The following FOXP1 variants were observed in gnomAD, a reference collection of about 807,000 sequenced individuals.
FOXP1 encodes the protein forkhead box P1, also known as forkhead box protein P1.
A neutral mutation model predicts 98.2 loss-of-function variants in FOXP1; 15 were observed. That is an observed-to-expected ratio of 0.15 (90% confidence interval 0.10 to 0.24). The LOEUF (loss-of-function observed/expected upper bound fraction) is 0.24. Ranked by LOEUF, FOXP1 falls within the 10% of genes least tolerant of loss-of-function variation. The probability of loss-of-function intolerance (pLI) is 1.00; values close to 1 mark genes in which losing one functional copy is unlikely to be tolerated. For synonymous variants in FOXP1, 371 were observed against 314.5 expected (o/e 1.18, Z -1.90); for missense variants, 633 against 848.5 (o/e 0.75, Z 3.15).
chr3:71,112,676 C>T (rs1559954231), intron 6 of FOXP1, 39 bp from the exon 7 acceptor site: 2 of 1,455,336 alleles, frequency 1.4e-6, no homozygotes, highest in Non-Finnish European at 1.9e-6. Context: ...CGTTACTACA[C>T]AGGTTCAGGG....
chr3:71,015,292 T>C (rs1038593898), intron 12 of FOXP1, among the ~76,000 whole-genome samples: 9 of 152,156 alleles, frequency 5.9e-5, no homozygotes, highest in African/African-American at 2.2e-4. Flanking sequence ...TTAATCCTTG[T>C]CACTCTGAAA....
At chr3:71,395,100 C>CAAAAAA (rs10543398) in intron 3 of FOXP1, among the ~76,000 whole-genome samples, 7 of 63,786 alleles carry the variant, frequency 1.1e-4, no homozygotes, top group African/African-American at 1.9e-4. Context: ...AACCCCGTCA[C>CAAAAAA]AAAAAAAAAA....
chr3:71,182,549 CTTT>C (rs369563965), intron 6 of FOXP1, among the ~76,000 whole-genome samples: 1 of 112,942 alleles, frequency 8.9e-6, no homozygotes. Context: ...TGTATATATT[CTTT>C]TTTTTTTTTT....
intron 7 of FOXP1, chr3:71,064,689 G>T: frequency 1.8e-6 from 1 of 550,620 alleles, no homozygotes; most frequent in Non-Finnish European, 2.3e-6. Context: ...GCGAGGATGA[G>T]GATGATTTTT....
intron 14 of FOXP1, 64 bp downstream of exon 14, chr3:70,987,929 TG>T: frequency 1.4e-6 from 2 of 1,456,424 alleles, no homozygotes; most frequent in South Asian, 2.3e-5. Flanking sequence ...CCATTTGGGG[TG>T]GGGAAGTAGA....
intron 2 of FOXP1, among the ~76,000 whole-genome samples, chr3:71,533,322 A>C (rs1156598623): frequency 1.3e-5 from 2 of 152,182 alleles, no homozygotes; most frequent in African/African-American, 4.8e-5. Context: ...CCACCTTCTC[A>C]GCCTACTCAA....
chr3:71,183,560 T>C (rs546960169), intron 6 of FOXP1, among the ~76,000 whole-genome samples: 7 of 152,236 alleles, frequency 4.6e-5, no homozygotes, highest in Non-Finnish European at 1.0e-4. Context: ...TACCATGTGG[T>C]GTGCAAACTT....
chr3:71,150,561 A>G (rs1398733820), intron 6 of FOXP1, among the ~76,000 whole-genome samples: 1 of 152,118 alleles, frequency 6.6e-6, no homozygotes, highest in Non-Finnish European at 1.5e-5. Context: ...GTGAAAATTA[A>G]TCCTTAACAC....
rs1241582491 is a variant in FOXP1 at position 70,955,266 on chromosome 3, G to C, written c.*3981C>G. 2 of 232,760 alleles carry C rather than the reference G, an allele frequency of 8.6e-6. No homozygotes were observed. Among genetic ancestry groups the C allele is most frequent in the Non-Finnish European group, 1.7e-5 (2 of 117,806 alleles). 14.4% of individuals were successfully genotyped at this position (232,760 alleles called of 1,614,324 possible). A position where few individuals can be genotyped will look rare whatever the true frequency, so the allele number is the denominator to read the frequency against. On this transcript the variant is annotated 3_prime_UTR_variant, in exon 21 of 21. Coordinates refer to ENST00000649528, the MANE Select transcript of FOXP1 (RefSeq NM_001349338.3). ...GCTAGTGATTTACAGCCTATCTTGGGTTAAGAATCCAAGGTTTTCTTTACT... is the reference window on the plus strand; with the variant it reads ...GCTAGTGATTTACAGCCTATCTTGGCTTAAGAATCCAAGGTTTTCTTTACT...
At chr3:71,025,543 C>A (rs182213047) in intron 11 of FOXP1, among the ~76,000 whole-genome samples, 4 of 152,084 alleles carry the variant, frequency 2.6e-5, no homozygotes, top group African/African-American at 9.7e-5. Context: ...GGCAACCTCC[C>A]CAAGTAATTG....
At chr3:71,226,853 G>C (rs916851322) in intron 5 of FOXP1, among the ~76,000 whole-genome samples, 1 of 152,086 alleles carries the variant, frequency 6.6e-6, no homozygotes, top group Admixed American at 6.5e-5. Flanking sequence ...GCTGTTCACC[G>C]GCCAAGAAGA....
intron 19 of FOXP1, chr3:70,968,870 G>C (rs1015359767): frequency 6.6e-6 from 1 of 152,192 alleles, no homozygotes; most frequent in East Asian, 1.9e-4. Flanking sequence ...TCTGTCTACT[G>C]ATCAGGGATC....
rs537887292 is a variant in FOXP1, at chr3:70,956,390, C to G, written c.*2857G>C. ...TTCTTCTGCAAGGCTGTGATACCTG[C>G]AAAGATATGTAAAATCTAATTTTTC... On this transcript the variant is annotated 3_prime_UTR_variant, in exon 21 of 21. Coordinates refer to ENST00000649528, the MANE Select transcript of FOXP1 (RefSeq NM_001349338.3). 1 of 221,840 alleles carries G rather than the reference C, an allele frequency of 4.5e-6. No individual in the cohort carries two copies. Among genetic ancestry groups the G allele is most frequent in the African/African-American group, 2.3e-5 (1 of 43,734 alleles). The allele number at this position is 221,840 out of a possible 1,614,324, so 13.7% of individuals were successfully genotyped here. A position where few individuals can be genotyped will look rare whatever the true frequency, so the allele number is the denominator to read the frequency against.
chr3:71,058,248 G>A (rs1418548200), intron 7 of FOXP1, among the ~76,000 whole-genome samples: 2 of 152,080 alleles, frequency 1.3e-5, no homozygotes, highest in Non-Finnish European at 2.9e-5. Flanking sequence ...TCAACTACAA[G>A]TAAATACTAC....
At chr3:71,171,600 AAGTGACTTTC>A (rs2061657161) in intron 6 of FOXP1, among the ~76,000 whole-genome samples, 1 of 152,200 alleles carries the variant, frequency 6.6e-6, no homozygotes, top group Non-Finnish European at 1.5e-5. Context: ...TAAGAAATAA[AAGTGACTTTC>A]AGTACACTGC....
intron 4 of FOXP1, among the ~76,000 whole-genome samples, chr3:71,315,222 C>A (rs574768615): frequency 5.9e-5 from 9 of 151,992 alleles, no homozygotes; most frequent in Admixed American, 5.9e-4. Context: ...TACAACCTTT[C>A]ATGTCCTTCT....
intron 6 of FOXP1, among the ~76,000 whole-genome samples, chr3:71,113,757 TAAAAG>T (rs1342442157): frequency 6.6e-6 from 1 of 150,384 alleles, no homozygotes; most frequent in African/African-American, 2.4e-5. Flanking sequence ...TAAAATAAAA[TAAAAG>T]GTCAAGTAAA....
chr3:71,396,088 T>C (rs761469770), intron 3 of FOXP1, among the ~76,000 whole-genome samples: 19 of 152,126 alleles, frequency 1.2e-4, no homozygotes, highest in Non-Finnish European at 2.2e-4. Context: ...GAAGAGCAGC[T>C]AGAGCCTCAT....
intron 3 of FOXP1, among the ~76,000 whole-genome samples, chr3:71,483,093 T>G (rs2090406409): frequency 6.6e-6 from 1 of 150,504 alleles, no homozygotes; most frequent in Non-Finnish European, 1.5e-5. Context: ...ACCCATCTGG[T>G]CTCCCAAAGT....
Sources: gnomAD v4.1 joint callset for allele counts (sites outside exome capture counted in the v4.1 genomes callset) on GRCh38, gnomAD v4.1.1 for gene constraint, MANE v1.5 for transcripts, NCBI Gene and HGNC (gene_info 2026-07-23, HGNC 2026-07-21) for gene names.